The following ZNF487 variants were observed in gnomAD, a reference collection of about 807,000 sequenced individuals.
The protein encoded by ZNF487 is KRAB domain only 1.
A neutral mutation model predicts 3.0 loss-of-function variants in ZNF487; 4 were observed. That is an observed-to-expected ratio of 1.35 (90% CI 0.66 to 3.08). ZNF487 has a LOEUF of 3.08. Among genes scored for constraint, ZNF487 ranks in the 30% most tolerant of loss-of-function variants. ZNF487 has a pLI of 0.01. For synonymous variants in ZNF487, 55 were observed against 34.6 expected (o/e 1.59, Z -2.06); for missense variants, 146 against 98.7 (o/e 1.48, Z -2.03).
chr10:43,472,603 C>T (rs968224290), intron 1 of ZNF487, among the ~76,000 whole-genome samples: 1 of 152,130 alleles, frequency 6.6e-6, no homozygotes, highest in African/African-American at 2.4e-5. Context: ...CTCTGCCCAA[C>T]ATCTACATTT....
intron 1 of ZNF487, among the ~76,000 whole-genome samples, chr10:43,437,807 T>G (rs1170205290): frequency 1.3e-5 from 2 of 152,132 alleles, no homozygotes; most frequent in East Asian, 3.8e-4. Context: ...GTGTTCTTCC[T>G]TCATTAGCTT....
intron 1 of ZNF487, among the ~76,000 whole-genome samples, chr10:43,468,755 C>T (rs528911237): frequency 1.8e-3 from 266 of 149,338 alleles, no homozygotes; most frequent in Middle Eastern, 0.011. Flanking sequence ...TTTGGGAGGC[C>T]GAGGCAGGCG....
the ZNF487 span, among the ~76,000 whole-genome samples, chr10:43,516,567 G>T: frequency 6.6e-6 from 1 of 152,290 alleles, no homozygotes; most frequent in East Asian, 1.9e-4. Context: ...TCTGCATGCT[G>T]AGGGGCAAGG....
rs1841420550 is a variant in ZNF487 at position 43,482,964 on chromosome 10, A to G, written c.*1042A>G. 2 of 522,924 alleles carry G rather than the reference A, an allele frequency of 3.8e-6. No individual in the cohort carries two copies. The highest frequency in any genetic ancestry group is 7.8e-6 in the Non-Finnish European group (2 of 256,024). 32.4% of individuals were successfully genotyped at this position (522,924 alleles called of 1,614,324 possible). ...CTTCTACCAGAAGTCATCCCTCACA[A>G]CACATCAGAGAACACACACAAGGGA... On this transcript the variant is annotated 3_prime_UTR_variant, in exon 4 of 4. Coordinates refer to ENST00000437590, the MANE Select transcript of ZNF487 (RefSeq NM_001355444.3).
intron 1 of ZNF487, among the ~76,000 whole-genome samples, chr10:43,465,021 GAC>G (rs1564421747): frequency 4.3e-5 from 6 of 138,148 alleles, no homozygotes; most frequent in African/African-American, 1.3e-4. Flanking sequence ...CTCCCTCCCG[GAC>G]GGGGCGGCTG....
At chr10:43,462,606 C>G (rs61859059) in intron 1 of ZNF487, among the ~76,000 whole-genome samples, 1 of 150,446 alleles carries the variant, frequency 6.6e-6, no homozygotes, top group Non-Finnish European at 1.5e-5. Flanking sequence ...CAGGTGTGCA[C>G]CACCATACCC....
At chr10:43,463,604 T>C (rs1324208552) in intron 1 of ZNF487, among the ~76,000 whole-genome samples, 3 of 151,854 alleles carry the variant, frequency 2.0e-5, no homozygotes, top group Non-Finnish European at 4.4e-5. Context: ...AGGTTGGTCT[T>C]GAACTCCTGG....
chr10:43,448,975 CAG>C (rs981661208), intron 1 of ZNF487, among the ~76,000 whole-genome samples: 2 of 125,774 alleles, frequency 1.6e-5, no homozygotes, highest in African/African-American at 6.1e-5. Flanking sequence ...GGCTGGGTGA[CAG>C]AGTAAGAACC....
At chr10:43,471,160 G>A (rs1326386274) in intron 1 of ZNF487, among the ~76,000 whole-genome samples, 1 of 152,050 alleles carries the variant, frequency 6.6e-6, no homozygotes, top group East Asian at 1.9e-4. Context: ...TGTTGGACTC[G>A]TGACAGGGCT....
chr10:43,456,865 G>A (rs1840224410), intron 1 of ZNF487, among the ~76,000 whole-genome samples: 1 of 152,330 alleles, frequency 6.6e-6, no homozygotes, highest in Admixed American at 6.5e-5. Flanking sequence ...ACAGGCGTGA[G>A]CCACTGCTCC....
chr10:43,498,099 ATTTTTTTTT>A, the ZNF487 span, among the ~76,000 whole-genome samples: 91 of 20,180 alleles, frequency 4.5e-3, no homozygotes, highest in Admixed American at 8.1e-3. Context: ...ATATATATAT[ATTTTTTTTT>A]TTTTTCTTTT....
the ZNF487 span, among the ~76,000 whole-genome samples, chr10:43,503,709 G>A: frequency 4.6e-5 from 7 of 152,134 alleles, no homozygotes; most frequent in East Asian, 1.9e-4. Context: ...GGGCTCAATC[G>A]ATCCTCCCAC....
At chr10:43,491,220 C>T in the ZNF487 span, among the ~76,000 whole-genome samples, 63 of 151,646 alleles carry the variant, frequency 4.2e-4, 2 homozygotes, top group Middle Eastern at 6.8e-3. Context: ...GTGATTCACC[C>T]GCCTCAGCCT....
At chr10:43,519,794 G>T in the ZNF487 span, among the ~76,000 whole-genome samples, 7 of 152,096 alleles carry the variant, frequency 4.6e-5, no homozygotes, top group African/African-American at 1.7e-4. Flanking sequence ...CAAGCCTCAC[G>T]TGTGGCCACA....
intron 1 of ZNF487, among the ~76,000 whole-genome samples, chr10:43,438,629 G>C (rs1839468757): frequency 6.6e-6 from 1 of 151,168 alleles, no homozygotes; most frequent in South Asian, 2.1e-4. Flanking sequence ...TTCTGGGTCT[G>C]AATCCAAGAG....
intron 1 of ZNF487, among the ~76,000 whole-genome samples, chr10:43,441,857 G>T (rs1839624385): frequency 6.6e-6 from 1 of 152,210 alleles, no homozygotes; most frequent in Non-Finnish European, 1.5e-5. Flanking sequence ...AAAGTTCTGG[G>T]ATTACAGGCG....
At chr10:43,505,310 A>T in the ZNF487 span, among the ~76,000 whole-genome samples, 1 of 151,472 alleles carries the variant, frequency 6.6e-6, no homozygotes, top group Non-Finnish European at 1.5e-5. Context: ...TTTGAGACAG[A>T]GTCTTCCTCT....
intron 3 of ZNF487, among the ~76,000 whole-genome samples, chr10:43,477,431 G>T (rs1841141923): frequency 6.6e-6 from 1 of 152,000 alleles, no homozygotes; most frequent in African/African-American, 2.4e-5. Context: ...CTGGCCTCAA[G>T]TGATCTGCCC....
At chr10:43,492,934 C>T in the ZNF487 span, among the ~76,000 whole-genome samples, 1 of 152,108 alleles carries the variant, frequency 6.6e-6, no homozygotes, top group African/African-American at 2.4e-5. Context: ...TACATTAGAA[C>T]TCTAAAGGTG....
Sources: allele counts gnomAD v4.1 joint callset (sites outside exome capture counted in the v4.1 genomes callset), GRCh38; gene constraint gnomAD v4.1.1; transcripts MANE v1.5; gene names NCBI Gene and HGNC (gene_info 2026-07-23, HGNC 2026-07-21).